EMID1: variants seen among roughly 807,000 people sequenced by gnomAD.
EMID1 encodes EMI domain containing 1.
EMID1 carries 40 observed loss-of-function variants against 60.6 expected under a neutral mutation model. That is an observed-to-expected ratio of 0.66 (90% confidence interval 0.51 to 0.86). EMID1 has a LOEUF of 0.86. Ranked by LOEUF, EMID1 falls within the 40% of genes least tolerant of loss-of-function variation. The probability of loss-of-function intolerance (pLI) is 0.00; values close to 1 mark genes in which losing one functional copy is unlikely to be tolerated. For missense variants in EMID1, 585 were observed against 597.1 expected, an observed-to-expected ratio of 0.98 and a Z score of 0.21; for synonymous variants, 242 against 231.0, an observed-to-expected ratio of 1.05 and a Z score of -0.43.
chr22:29,220,171 C>T (rs1449328002), intron 3 of EMID1, among the ~76,000 whole-genome samples: 4 of 152,190 alleles, frequency 2.6e-5, no homozygotes, highest in Admixed American at 1.3e-4. Flanking sequence ...CTCCCATACA[C>T]GGCCTTGGCA....
At position 29,206,047 on chromosome 22, in the gene EMID1, C is replaced by G; in HGVS notation, c.9C>G (p.Gly3=). The stretch of plus-strand genomic sequence containing the variant: ...AGGGCGCCTGGTGCAGCATGGGCGG[C>G]CCGCGGGCTTGGGCGCTGCTCTGCC... MG[G]PRAWALLCLG... is the part of the protein sequence containing the mutation. Residue 3 remains glycine, a synonymous_variant, in exon 1 of 15, where the codon GGC becomes GGG. Coordinates refer to ENST00000334018, the MANE Select transcript of EMID1 (RefSeq NM_133455.4). 1 of 1,227,208 alleles carries G rather than the reference C, an allele frequency of 8.1e-7. No homozygotes were observed. The allele number at this position is 1,227,208 out of a possible 1,614,324, so 76.0% of individuals were successfully genotyped here. A position where few individuals can be genotyped will look rare whatever the true frequency, so the allele number is the denominator to read the frequency against.
At chr22:29,244,524 A>T (rs6519780) in intron 13 of EMID1, among the ~76,000 whole-genome samples, 6 of 151,824 alleles carry the variant, frequency 4.0e-5, no homozygotes, top group African/African-American at 1.5e-4. Flanking sequence ...CTGTAGTCCT[A>T]GCTATTCAGG....
intron 14 of EMID1, 39 bp from the exon 15 acceptor site, chr22:29,258,777 AC>A: frequency 4.3e-6 from 7 of 1,609,262 alleles, no homozygotes; most frequent in Non-Finnish European, 5.9e-6. Context: ...CCTCACATGA[AC>A]CCCTCTAATG....
At chr22:29,245,687 A>T (rs1242566082) in intron 13 of EMID1, among the ~76,000 whole-genome samples, 2 of 152,172 alleles carry the variant, frequency 1.3e-5, no homozygotes, top group African/African-American at 4.8e-5. Context: ...CAGCTTGCAG[A>T]TGCGTTCTGG....
At chr22:29,215,113 C>T in intron 2 of EMID1, 74 bp downstream of exon 2, 1 of 1,464,910 alleles carries the variant, frequency 6.8e-7, no homozygotes, top group South Asian at 1.4e-5. Context: ...GGTTGGGGGA[C>T]TGCATGGGGA....
At chr22:29,227,414 A>G (rs576297648) in intron 5 of EMID1, among the ~76,000 whole-genome samples, 6 of 151,234 alleles carry the variant, frequency 4.0e-5, no homozygotes, top group Non-Finnish European at 7.4e-5. Flanking sequence ...TTTTTAAATT[A>G]AAAAGTACTG....
In EMID1 at chr22:29,214,930, T is replaced by C. The variant is rs1270592460; in HGVS notation, c.106T>C (p.Trp36Arg). 20 of 1,525,938 alleles carry C rather than the reference T, an allele frequency of 1.3e-5. No homozygotes were observed. Among genetic ancestry groups the C allele is most frequent in the Non-Finnish European group, 1.8e-5 (20 of 1,128,382 alleles). 94.5% of individuals were successfully genotyped at this position (1,525,938 alleles called of 1,614,324 possible). A position where few individuals can be genotyped will look rare whatever the true frequency, so the allele number is the denominator to read the frequency against. The change falls in exon 2 of 15, where the codon TGG (tryptophan) becomes CGG (arginine). Residue 36 changes from tryptophan (W) to arginine (R), a missense_variant. Trp to Arg is a moderately radical substitution (Grantham distance 101). Transcript: ENST00000334018. The stretch of plus-strand genomic sequence containing the variant: ...CTCTCTTTGGGTCTGTTTCAGGAAC[T>C]GGTGCTCCTATGTGGTGACCCGCAC... ...GAAPFSGRRN[W>R]CSYVVTRTIS...
chr22:29,233,447 C>G lies in EMID1; in HGVS notation c.892C>G (p.Pro298Ala), dbSNP rs759930539. The change falls in exon 9 of 15, where the codon CCA (proline) becomes GCA (alanine). Residue 298 changes from proline (P) to alanine (A), a missense_variant. By Grantham distance (27) the Pro-to-Ala change is conservative (BLOSUM62 -1). Coordinates refer to ENST00000334018, the MANE Select transcript of EMID1 (RefSeq NM_133455.4). ...NHWPQGPTGP[P>A]GPPGPMGPPG... ...CTGGCCCCAGGGACCCACTGGGCCT[C>G]CAGGCCCTCCAGGGCCCATGGGTAA... 1.2e-6 allele frequency: 2 copies of G among 1,614,064 alleles called. No homozygotes were observed. The highest frequency in any genetic ancestry group is 1.3e-5 in the African/African-American group (1 of 74,936).
rs71196644 is a variant in EMID1, at chr22:29,238,719, ATTT to A, written c.1074+4388_1074+4390del. Among the ~76,000 whole-genome samples the A allele has an allele frequency of 4.0e-3, 470 of 117,534 alleles. 26 individuals are homozygous for A. Among genetic ancestry groups the A allele is most frequent in the South Asian group, 5.9e-3 (22 of 3,738 alleles). 77.1% of individuals were successfully genotyped at this position (117,534 alleles called of 152,430 possible). On this transcript the variant is annotated intron_variant, in intron 12 of 14. Coordinates refer to ENST00000334018, the MANE Select transcript of EMID1 (RefSeq NM_133455.4). ...CAGGCGTGAGCCACCGTGCCCGGCC[ATTT>A]TTTTTTTTTTTTTTTTTAATTTTAG... is the stretch of plus-strand genomic sequence containing the variant.
intron 1 of EMID1, among the ~76,000 whole-genome samples, chr22:29,209,641 C>A (rs984920419): frequency 6.6e-6 from 1 of 152,172 alleles, no homozygotes; most frequent in Non-Finnish European, 1.5e-5. Flanking sequence ...CCAGCACCTG[C>A]GTGAGTGAGT....
At chr22:29,229,427 TGAGGTCAG>T (rs1187442271) in intron 5 of EMID1, among the ~76,000 whole-genome samples, 2 of 152,060 alleles carry the variant, frequency 1.3e-5, no homozygotes, top group East Asian at 3.8e-4. Context: ...GCGGATCACA[TGAGGTCAG>T]GAGTTCGAGA....
intron 13 of EMID1, among the ~76,000 whole-genome samples, chr22:29,245,381 A>G (rs1040697752): frequency 6.6e-6 from 1 of 152,170 alleles, no homozygotes; most frequent in South Asian, 2.1e-4. Flanking sequence ...TCCCTTCATG[A>G]GAATCCCCGG....
intron 12 of EMID1, among the ~76,000 whole-genome samples, chr22:29,242,525 A>G (rs1468659339): frequency 6.6e-6 from 1 of 152,036 alleles, no homozygotes; most frequent in Non-Finnish European, 1.5e-5. Context: ...CTATTGACAG[A>G]TTTTTCTCTT....
intron 8 of EMID1, 198 bp from the exon 9 acceptor site, chr22:29,233,181 C>A: frequency 1.6e-6 from 1 of 634,590 alleles, no homozygotes; most frequent in South Asian, 1.9e-5. Context: ...GGGGTTAGAA[C>A]CCACATCTCC....
intron 5 of EMID1, among the ~76,000 whole-genome samples, chr22:29,228,781 A>G (rs541958587): frequency 2.0e-5 from 3 of 152,142 alleles, no homozygotes; most frequent in Admixed American, 2.0e-4. Context: ...CTTTTTTTAG[A>G]GCTGGGGTCT....
chr22:29,232,750 C>T (rs2040801754), intron 8 of EMID1: 1 of 239,050 alleles, frequency 4.2e-6, no homozygotes. Context: ...ACGCAAAAGA[C>T]CCGGCGGCAG....
intron 5 of EMID1, among the ~76,000 whole-genome samples, chr22:29,227,589 C>T (rs1458447907): frequency 6.6e-6 from 1 of 151,224 alleles, no homozygotes; most frequent in Non-Finnish European, 1.5e-5. Flanking sequence ...CCCATAATCC[C>T]AGCTACAAAG....
In EMID1 at chr22:29,206,160, T is replaced by A. The variant is rs754884019; in HGVS notation, c.101+21T>A. The A allele has an allele frequency of 6.1e-4, 748 of 1,227,340 alleles. 1 individual carries two copies. Among genetic ancestry groups the A allele is most frequent in the Non-Finnish European group, 7.3e-4 (723 of 984,592 alleles). 76.0% of individuals were successfully genotyped at this position (1,227,340 alleles called of 1,614,324 possible). On this transcript the variant is annotated intron_variant, in intron 1 of 14. Transcript: ENST00000334018. ...CGCAGGTAAGAGCTCCCGGCGCCTTTGCACCCCGCTGGCCGAGGGTCCCGG... is the reference window on the plus strand; with the variant it reads ...CGCAGGTAAGAGCTCCCGGCGCCTTAGCACCCCGCTGGCCGAGGGTCCCGG...
chr22:29,233,403 T>TA lies in EMID1; in HGVS notation c.848_849insA (p.Phe283LeufsTer3). The TA allele has an allele frequency of 6.2e-7, 1 of 1,614,084 alleles. No individual in the cohort carries two copies. Among genetic ancestry groups the TA allele is most frequent in the Non-Finnish European group, 8.5e-7 (1 of 1,179,934 alleles). On this transcript the variant is annotated frameshift_variant, in exon 9 of 15. Coordinates refer to ENST00000334018, the MANE Select transcript of EMID1 (RefSeq NM_133455.4). LOFTEE classifies it high-confidence loss of function. ...GGAGACCCATTGCTGTCCAACACCT[T>TA]CACTGAGACCAACAACCACTGGCCC... is the stretch of plus-strand genomic sequence containing the variant.
Sources: allele counts gnomAD v4.1 joint callset (sites outside exome capture counted in the v4.1 genomes callset), GRCh38; gene constraint gnomAD v4.1.1; transcripts MANE v1.5; gene names NCBI Gene and HGNC (gene_info 2026-07-23, HGNC 2026-07-21).